Variants in FBXO25 observed in about 807,000 individuals in gnomAD.
FBXO25 encodes F-box only protein 25.
FBXO25 carries 45 observed loss-of-function variants against 51.9 expected under a neutral mutation model. The observed-to-expected ratio is 0.87, with a 90% CI of 0.68 to 1.11. The LOEUF is 1.11. Among genes scored for constraint, FBXO25 ranks in the 50% most tolerant of loss-of-function variants. FBXO25 has a pLI of 0.00. For missense variants in FBXO25, 507 were observed against 428.5 expected, an observed-to-expected ratio of 1.18 and a Z score of -1.62; for synonymous variants, 199 against 151.0, an observed-to-expected ratio of 1.32 and a Z score of -2.33.
rs529828893 is a variant in FBXO25 at position 407,576 on chromosome 8, T to G, written c.-8+510T>G. On this transcript the variant is annotated intron_variant, in intron 1 of 9. Transcript: ENST00000350302. ...CCCGCCCCCACCCTCCTGGGCCGTC[T>G]TGCAGGCCCGAGCTTGTGTCCGCCT... Among the ~76,000 whole-genome samples the G allele has an allele frequency of 3.5e-4, 53 of 151,876 alleles. 1 individual carries two copies. Among genetic ancestry groups the G allele is most frequent in the Admixed American group, 1.2e-3 (19 of 15,272 alleles).
At chr8:420,639 G>T (rs1797092466) in intron 2 of FBXO25, among the ~76,000 whole-genome samples, 1 of 152,220 alleles carries the variant, frequency 6.6e-6, no homozygotes, top group African/African-American at 2.4e-5. Flanking sequence ...CAACATGGAT[G>T]AATCTTAAAT....
intron 8 of FBXO25, among the ~76,000 whole-genome samples, chr8:459,021 G>T (rs546344342): frequency 2.0e-5 from 3 of 152,178 alleles, no homozygotes; most frequent in Non-Finnish European, 2.9e-5. Context: ...GGGAGTGCAC[G>T]TGGGGCAGCA....
Position 463,079 on chromosome 8 carries a change from C to T in FBXO25, c.916C>T (p.His306Tyr), listed in dbSNP as rs766478103. The change falls in exon 9 of 10, where the codon CAT becomes TAT. Residue 306 changes from histidine to tyrosine, a missense_variant. Transcript: ENST00000350302. Reference sequence around the variant, plus strand: ...GTTGATGTACTTTGCACTTCAGAAACATTACCCAGCGAAGGAGCAGTACGG... The same window carrying T: ...GTTGATGTACTTTGCACTTCAGAAATATTACCCAGCGAAGGAGCAGTACGG... ...WKLMYFALQK[H>Y]YPAKEQYGDT... 8.7e-6 allele frequency: 14 copies of T among 1,613,968 alleles called. No individual in the cohort carries two copies. The highest frequency in any genetic ancestry group is 1.2e-5 in the Non-Finnish European group (14 of 1,179,988).
At chr8:459,230 C>T (rs1231853274) in intron 8 of FBXO25, among the ~76,000 whole-genome samples, 1 of 152,226 alleles carries the variant, frequency 6.6e-6, no homozygotes, top group East Asian at 1.9e-4. Flanking sequence ...TGGAGGGAGG[C>T]ATGTTGTGCT....
intron 7 of FBXO25, among the ~76,000 whole-genome samples, chr8:456,053 G>C (rs1363510761): frequency 6.6e-6 from 1 of 152,126 alleles, no homozygotes; most frequent in Non-Finnish European, 1.5e-5. Flanking sequence ...TACCTTTAAA[G>C]TTTGTAATTT....
At position 458,447 on chromosome 8, in the gene FBXO25, T is replaced by C. The variant is rs1799596264; in HGVS notation, c.739T>C (p.Trp247Arg). The C allele has an allele frequency of 6.2e-7, 1 of 1,614,212 alleles. No homozygotes were observed. The highest frequency in any genetic ancestry group is 8.5e-7 in the Non-Finnish European group (1 of 1,180,036). ...CATCCTATACCGGTTCTCAGACGGA[T>C]GGGACATCATCACCTTAGGCCAGGT... ...NNILYRFSDG[W>R]DIITLGQVTP... The change falls in exon 8 of 10, where the codon TGG (tryptophan) becomes CGG (arginine). Residue 247 changes from tryptophan (W) to arginine (R), a missense_variant. Trp to Arg is a moderately radical substitution (Grantham distance 101). Coordinates refer to ENST00000350302, the MANE Select transcript of FBXO25 (RefSeq NM_183420.2).
chr8:449,989 G>A lies in FBXO25; in HGVS notation c.382-1G>A, dbSNP rs1798977155. 6.2e-7 allele frequency: 1 copy of A among 1,605,346 alleles called. No individual in the cohort carries two copies. Among genetic ancestry groups the A allele is most frequent in the South Asian group, 1.1e-5 (1 of 89,808 alleles). On this transcript the variant is annotated splice_acceptor_variant, in intron 5 of 9. Transcript: ENST00000350302. LOFTEE classifies it high-confidence loss of function. Reference sequence around the variant, plus strand: ...CAGCTTTTTTCCGTCTTTCCTTTAAGCTGTTGCAGCTAATTGCAAAATCCC... The same window carrying A: ...CAGCTTTTTTCCGTCTTTCCTTTAAACTGTTGCAGCTAATTGCAAAATCCC...
rs578203439 is a variant in FBXO25 at position 425,169 on chromosome 8, C to T, written c.135-6172C>T. On this transcript the variant is annotated intron_variant, in intron 2 of 9. Transcript: ENST00000350302. ...GTCCCATTTCTATTATAACCTACTT[C>T]ATCTCCCCAAAAATAACCACTTCCC... 1.6e-4 allele frequency among the ~76,000 whole-genome samples: 25 copies of T among 151,612 alleles called. No individual in the cohort carries two copies. The South Asian group carries it at 5.3e-3, about 32-fold the overall frequency.
rs539563165 is a variant in FBXO25 at position 476,639 on chromosome 8, T to C, written c.*7835T>C. On this transcript the variant is annotated 3_prime_UTR_variant, in exon 10 of 10. Coordinates refer to ENST00000350302, the MANE Select transcript of FBXO25 (RefSeq NM_183420.2). ...ATCTAGGTTATCCAATTCTTTGATA[T>C]GTAATTGCTCATAGTACTCTTAATC... is the stretch of plus-strand genomic sequence containing the variant. 3 of 152,334 alleles carry C rather than the reference T, an allele frequency of 2.0e-5. No individual in the cohort carries two copies. The highest frequency in any genetic ancestry group is 2.9e-5 in the Non-Finnish European group (2 of 68,024). The allele number at this position is 152,334 out of a possible 1,614,324, so 9.4% of individuals were successfully genotyped here.
rs111570050 is a variant in FBXO25, at chr8:469,066, C to CTG, written c.*263_*264insGT. The stretch of plus-strand genomic sequence containing the variant: ...GTGAAATTTTGCGTACTCTCTCTCT[C>CTG]TATATATATAGTTCAAAAATACTTT... On this transcript the variant is annotated 3_prime_UTR_variant, in exon 10 of 10. Coordinates refer to ENST00000350302, the MANE Select transcript of FBXO25 (RefSeq NM_183420.2). 0.037 allele frequency: 13,125 copies of CTG among 359,326 alleles called. 1,451 individuals are homozygous for CTG. The highest frequency in any genetic ancestry group is 0.24 in the African/African-American group (11,745 of 47,964). The allele number at this position is 359,326 out of a possible 1,614,324, so 22.3% of individuals were successfully genotyped here.
chr8:427,117 A>G (rs1205394640), intron 2 of FBXO25, among the ~76,000 whole-genome samples: 2 of 152,000 alleles, frequency 1.3e-5, no homozygotes, highest in African/African-American at 4.8e-5. Flanking sequence ...TACAGATAAA[A>G]AGCTAAGTTT....
chr8:459,192 C>T (rs1056676475), intron 8 of FBXO25, among the ~76,000 whole-genome samples: 28 of 152,330 alleles, frequency 1.8e-4, no homozygotes, highest in African/African-American at 6.5e-4. Flanking sequence ...CTGCACAGGG[C>T]TGGTCGCAGC....
At chr8:465,929 C>T (rs1487469653) in intron 9 of FBXO25, among the ~76,000 whole-genome samples, 1 of 152,142 alleles carries the variant, frequency 6.6e-6, no homozygotes, top group Admixed American at 6.5e-5. Flanking sequence ...ATTTAGTGAA[C>T]TTTGTTATCA....
intron 1 of FBXO25, among the ~76,000 whole-genome samples, chr8:411,335 A>T (rs1750237956): frequency 6.6e-6 from 1 of 151,778 alleles, no homozygotes; most frequent in Non-Finnish European, 1.5e-5. Context: ...CTGACTTCCT[A>T]CTTCTCCCTC....
chr8:451,506 GTTATC>G (rs1222322508), intron 7 of FBXO25, 53 bp downstream of exon 7: 4 of 1,522,284 alleles, frequency 2.6e-6, no homozygotes, highest in African/African-American at 2.8e-5. Context: ...TATTACAGAA[GTTATC>G]TTTTCTAAGC....
Position 423,418 on chromosome 8 carries a change from T to C in FBXO25, c.135-7923T>C, listed in dbSNP as rs150001674. Among the ~76,000 whole-genome samples, 13 of 152,274 alleles carry C rather than the reference T, an allele frequency of 8.5e-5. 1 individual carries two copies. The highest frequency in any genetic ancestry group is 1.9e-4 in the African/African-American group (8 of 41,556). On this transcript the variant is annotated intron_variant, in intron 2 of 9. Transcript: ENST00000350302. Reference sequence around the variant, plus strand: ...GTCACCTCGTTAGCATAGTACCCAATAGGTAGTTTTTTTTAACCCACCCCC... The same window carrying C: ...GTCACCTCGTTAGCATAGTACCCAACAGGTAGTTTTTTTTAACCCACCCCC...
intron 8 of FBXO25, 66 bp from the exon 9 acceptor site, chr8:462,941 T>A: frequency 1.3e-6 from 2 of 1,525,240 alleles, no homozygotes; most frequent in Non-Finnish European, 1.8e-6. Flanking sequence ...TGAAAAAGTT[T>A]TACACCTAAT....
chr8:468,340 C>G, intron 9 of FBXO25: 1 of 896,178 alleles, frequency 1.1e-6, no homozygotes, highest in Non-Finnish European at 1.3e-6. Context: ...AACAGGAGGA[C>G]AGGACAAAGG....
At chr8:459,940 C>A (rs1198554532) in intron 8 of FBXO25, among the ~76,000 whole-genome samples, 3 of 152,086 alleles carry the variant, frequency 2.0e-5, no homozygotes, top group African/African-American at 4.8e-5. Context: ...GGAAAACTCT[C>A]TCAAGTGGAC....
Sources: allele counts gnomAD v4.1 joint callset (sites outside exome capture counted in the v4.1 genomes callset), GRCh38; gene constraint gnomAD v4.1.1; transcripts MANE v1.5; gene names NCBI Gene and HGNC (gene_info 2026-07-23, HGNC 2026-07-21).